Variants in IGSF11 observed in about 807,000 individuals in gnomAD.
IGSF11 encodes immunoglobulin superfamily member 11, also known as CXADR like 1.
A neutral mutation model predicts 41.0 loss-of-function variants in IGSF11; 22 were observed. The observed-to-expected ratio is 0.54, with a 90% confidence interval of 0.38 to 0.77. IGSF11 has a LOEUF of 0.77. Ranked by LOEUF, IGSF11 falls within the 30% of genes least tolerant of loss-of-function variation. The pLI, the probability that IGSF11 is intolerant of heterozygous loss-of-function variation, is 0.00. For synonymous variants in IGSF11, 219 were observed against 201.3 expected (o/e 1.09, Z -0.74); for missense variants, 444 against 530.8 (o/e 0.84, Z 1.61).
intron 4 of IGSF11, among the ~76,000 whole-genome samples, chr3:118,908,105 G>A (rs1939837421): frequency 6.6e-6 from 1 of 152,090 alleles, no homozygotes; most frequent in Non-Finnish European, 1.5e-5. Flanking sequence ...AATTTGATGA[G>A]CTCACACCAA....
intron 1 of IGSF11, among the ~76,000 whole-genome samples, chr3:119,019,853 G>T (rs1019441114): frequency 3.3e-5 from 5 of 152,092 alleles, no homozygotes; most frequent in Non-Finnish European, 5.9e-5. Flanking sequence ...CTGAATGTTT[G>T]TATACCCCAC....
In IGSF11 at chr3:118,902,880, G is replaced by T. The variant is rs954135753; in HGVS notation, c.936C>A (p.Thr312=). ...EISSSDNNTL[T]SSNAYNSRYW... Reference sequence around the variant, plus strand: ...ATCGACTGTTGTAGGCATTGGAAGAGGTTAGTGTGTTGTTGTCCGAGGAGG... The same window carrying T: ...ATCGACTGTTGTAGGCATTGGAAGATGTTAGTGTGTTGTTGTCCGAGGAGG... Residue 312 remains threonine, a synonymous_variant, in exon 7 of 7, where the codon ACC becomes ACA. Transcript: ENST00000393775. 1.2e-6 allele frequency: 2 copies of T among 1,614,154 alleles called. No individual in the cohort carries two copies. Among genetic ancestry groups the T allele is most frequent in the Non-Finnish European group, 1.7e-6 (2 of 1,179,988 alleles).
At chr3:119,085,690 GA>G (rs1316531417) in intron 1 of IGSF11, among the ~76,000 whole-genome samples, 1 of 152,284 alleles carries the variant, frequency 6.6e-6, no homozygotes, top group South Asian at 2.1e-4. Context: ...GCCATTTTAA[GA>G]AAAACCCAAA....
rs1030470356 is a variant in IGSF11, at chr3:118,917,338, C to G, written c.580+8763G>C. 2.0e-5 allele frequency among the ~76,000 whole-genome samples: 3 copies of G among 149,718 alleles called. No homozygotes were observed. In the South Asian group the frequency reaches 6.5e-4, roughly 32 times the overall value. ...CCAGGAGCTGGTTTTCTGAAAGGAT[C>G]AACAAAATTGATAGACCACTAGCAA... On this transcript the variant is annotated intron_variant, in intron 4 of 6. Coordinates refer to ENST00000393775, the MANE Select transcript of IGSF11 (RefSeq NM_001015887.3).
intron 1 of IGSF11, among the ~76,000 whole-genome samples, chr3:119,134,366 G>A (rs1437471314): frequency 2.6e-5 from 4 of 152,056 alleles, no homozygotes; most frequent in Non-Finnish European, 2.9e-5. Flanking sequence ...CTTCAGCAAA[G>A]CTCAGTATAC....
upstream of IGSF11, chr3:119,034,916 G>C (rs1028061340): frequency 7.4e-6 from 7 of 945,538 alleles, no homozygotes; most frequent in East Asian, 1.0e-4. Flanking sequence ...GCCGCAGCTC[G>C]GCTCCTCGCC....
At chr3:118,999,524 T>TC (rs1936602234) in intron 1 of IGSF11, among the ~76,000 whole-genome samples, 1 of 152,162 alleles carries the variant, frequency 6.6e-6, no homozygotes, top group South Asian at 2.1e-4. Context: ...AACAATGGGT[T>TC]CCTTCACTCT....
intron 1 of IGSF11, among the ~76,000 whole-genome samples, chr3:119,024,619 T>C (rs1262977137): frequency 1.3e-5 from 2 of 152,184 alleles, no homozygotes; most frequent in Non-Finnish European, 2.9e-5. Flanking sequence ...GCCCTAACCA[T>C]ACTCCTCCAT....
intron 1 of IGSF11, among the ~76,000 whole-genome samples, chr3:118,968,094 T>C (rs1018847138): frequency 1.3e-5 from 2 of 152,204 alleles, no homozygotes; most frequent in Non-Finnish European, 2.9e-5. Flanking sequence ...CTGAGATTTT[T>C]AAAAACATCA....
At chr3:119,012,366 A>G (rs2107696286) in intron 1 of IGSF11, among the ~76,000 whole-genome samples, 1 of 152,352 alleles carries the variant, frequency 6.6e-6, no homozygotes. Flanking sequence ...GTTCTAAACT[A>G]TAATTTTACA....
chr3:119,118,732 T>C (rs1020761914), intron 1 of IGSF11, among the ~76,000 whole-genome samples: 1 of 152,244 alleles, frequency 6.6e-6, no homozygotes, highest in Non-Finnish European at 1.5e-5. Flanking sequence ...TCCAAACTTT[T>C]ATGCCCTGTT....
At chr3:119,133,614 G>C (rs1448795738) in intron 1 of IGSF11, among the ~76,000 whole-genome samples, 1 of 152,168 alleles carries the variant, frequency 6.6e-6, no homozygotes, top group Non-Finnish European at 1.5e-5. Flanking sequence ...GGACCAGACG[G>C]ATTCACAGCC....
At chr3:118,905,756 G>A (rs182401678) in intron 4 of IGSF11, 38 bp from the exon 5 acceptor site, 1 of 1,609,970 alleles carries the variant, frequency 6.2e-7, no homozygotes, top group Non-Finnish European at 8.5e-7. Context: ...GATTTGGCGG[G>A]ACTAATAGCA....
intron 1 of IGSF11, among the ~76,000 whole-genome samples, chr3:119,050,140 T>C (rs1053510415): frequency 2.7e-5 from 4 of 150,250 alleles, no homozygotes; most frequent in African/African-American, 4.9e-5. Context: ...AAAGCCAAAA[T>C]TGACAAATGG....
intron 1 of IGSF11, among the ~76,000 whole-genome samples, chr3:119,071,477 A>T (rs993993765): frequency 2.2e-4 from 34 of 152,060 alleles, no homozygotes; most frequent in African/African-American, 7.7e-4. Flanking sequence ...TTAGTTTTTG[A>T]TCAATTTTGA....
rs758951541 is a variant in IGSF11 at position 118,902,886 on chromosome 3, T to C, written c.930A>G (p.Thr310=). Residue 310 remains threonine (T), a synonymous_variant, in exon 7 of 7, where the codon ACA becomes ACG. Transcript: ENST00000393775. The part of the protein sequence containing the change: ...HTEISSSDNN[T]LTSSNAYNSR... ...TGTTGTAGGCATTGGAAGAGGTTAG[T>C]GTGTTGTTGTCCGAGGAGGAAATCT... is the stretch of plus-strand genomic sequence containing the variant. 2 of 1,614,182 alleles carry C rather than the reference T, an allele frequency of 1.2e-6. No individual in the cohort carries two copies. The highest frequency in any genetic ancestry group is 2.2e-5 in the East Asian group (1 of 44,890).
chr3:119,097,688 T>G (rs901535786), intron 1 of IGSF11, among the ~76,000 whole-genome samples: 1 of 152,152 alleles, frequency 6.6e-6, no homozygotes, highest in Non-Finnish European at 1.5e-5. Context: ...AGAATCCAGG[T>G]GGAAAAGGAG....
intron 1 of IGSF11, among the ~76,000 whole-genome samples, chr3:119,046,718 GA>G (rs1466087909): frequency 1.3e-5 from 2 of 152,020 alleles, no homozygotes; most frequent in Non-Finnish European, 2.9e-5. Context: ...TGAAATGAAG[GA>G]AAAAATGTTA....
chr3:119,120,891 GT>G (rs1172186175), intron 1 of IGSF11, among the ~76,000 whole-genome samples: 2 of 152,164 alleles, frequency 1.3e-5, no homozygotes, highest in Non-Finnish European at 2.9e-5. Flanking sequence ...AGAAGAAATG[GT>G]TTGGGGTTGC....
Sources: gnomAD v4.1 joint callset for allele counts (sites outside exome capture counted in the v4.1 genomes callset) on GRCh38, gnomAD v4.1.1 for gene constraint, MANE v1.5 for transcripts, NCBI Gene and HGNC (gene_info 2026-07-23, HGNC 2026-07-21) for gene names.